KCP: variants seen among roughly 807,000 people sequenced by gnomAD.
KCP encodes kielin cysteine rich BMP regulator.
KCP carries 194 observed loss-of-function variants against 212.7 expected under a neutral mutation model. The observed-to-expected ratio is 0.91, with a 90% CI of 0.81 to 1.03. The LOEUF is 1.03. Among genes scored for constraint, KCP ranks in the 50% least tolerant of loss-of-function variants. The pLI is 0.00. For missense variants in KCP, 2,080 were observed against 2,162.5 expected, an observed-to-expected ratio of 0.96 and a Z score of 0.76; for synonymous variants, 833 against 865.3, an observed-to-expected ratio of 0.96 and a Z score of 0.65.
Position 128,880,092 on chromosome 7 carries a change from T to G in KCP, c.3760-7A>C. On this transcript the variant is annotated splice_polypyrimidine_tract_variant and splice_region_variant and intron_variant, in intron 34 of 39. Transcript: ENST00000610776. ...TCAGGGCAGGGGCCTTGTCCTGCAC[T>G]CAGCCCCAGACACTGTCAGACACAC... The G allele has an allele frequency of 1.3e-6, 2 of 1,529,048 alleles. No homozygotes were observed. Among genetic ancestry groups the G allele is most frequent in the East Asian group, 2.5e-5 (1 of 40,686 alleles). The allele number at this position is 1,529,048 out of a possible 1,614,324, so 94.7% of individuals were successfully genotyped here.
rs1228615521 is a variant in KCP, at chr7:128,877,425, G to T, written c.4618+59C>A. The T allele has an allele frequency of 3.9e-6, 6 of 1,537,960 alleles. No individual in the cohort carries two copies. The Admixed American group carries it at 9.9e-5, about 25-fold the overall frequency. Reference sequence around the variant, plus strand: ...CCTGGTCCTGCCCTGAGCCCTCCGGGCTGCCCTTCTTCTCTGTGCTGAGCC... The same window carrying T: ...CCTGGTCCTGCCCTGAGCCCTCCGGTCTGCCCTTCTTCTCTGTGCTGAGCC... On this transcript the variant is annotated intron_variant, in intron 39 of 39. Transcript: ENST00000610776.
At chr7:128,889,127 T>C (rs1793926765) in intron 21 of KCP, 88 bp from the exon 22 acceptor site, 8 of 916,206 alleles carry the variant, frequency 8.7e-6, no homozygotes, top group Non-Finnish European at 1.2e-5. Flanking sequence ...GGGCCTGTTA[T>C]GCATCCAAGA....
rs889344935 is a variant in KCP at position 128,880,023 on chromosome 7, G to A, written c.3822C>T (p.Ser1274=). ...AATGGGGGTCTCCGAAGGCCATGCA[G>A]GAAGCGGGCCGAGGCAGGCAGCGGG... ...CCPRCLPRPA[S]CMAFGDPHYR... is the part of the protein sequence containing the mutation. Residue 1274 remains serine (S), a synonymous_variant, in exon 35 of 40, where the codon TCC becomes TCT. Transcript: ENST00000610776. 1.3e-6 allele frequency: 2 copies of A among 1,549,662 alleles called. No homozygotes were observed. The highest frequency in any genetic ancestry group is 1.7e-6 in the Non-Finnish European group (2 of 1,146,876).
intron 9 of KCP, 64 bp from the exon 10 acceptor site, chr7:128,894,119 T>C (rs1427771263): frequency 2.6e-6 from 4 of 1,520,254 alleles, no homozygotes; most frequent in Middle Eastern, 2.1e-4. Flanking sequence ...CTGGCCTTCA[T>C]GGGCCCCCGA....
At chr7:128,896,871 C>A (rs1794557698) in intron 8 of KCP, among the ~76,000 whole-genome samples, 1 of 112,878 alleles carries the variant, frequency 8.9e-6, no homozygotes, top group Admixed American at 1.3e-4. Context: ...AGCCTGGCGA[C>A]AGAGCAAGAC....
In KCP at chr7:128,907,336, C is replaced by T. The variant is rs746805216; in HGVS notation, c.337G>A (p.Ala113Thr). The T allele has an allele frequency of 8.4e-5, 129 of 1,543,394 alleles. No individual in the cohort carries two copies. Among genetic ancestry groups the T allele is most frequent in the Middle Eastern group, 6.7e-4 (4 of 5,934 alleles). The change falls in exon 3 of 40, where the codon GCC becomes ACC. Residue 113 changes from alanine (A) to threonine (T), a missense_variant. Physicochemically the swap from Ala to Thr is moderately conservative, Grantham distance 58. Coordinates refer to ENST00000610776, the MANE Select transcript of KCP (RefSeq NM_001366122.1). ...TCCTGGCAGACGCAGGCTGTGCAGG[C>T]GTCAGGCTCCCAGCGTGCCCCCTCG... ...WPEGARWEPD[A>T]CTACVCQDGA... is the part of the protein sequence containing the mutation.
chr7:128,891,656 G>A lies in KCP; in HGVS notation c.1785C>T (p.Asn595=), dbSNP rs1333140727. 14 of 1,461,808 alleles carry A rather than the reference G, an allele frequency of 9.6e-6. No individual in the cohort carries two copies. The highest frequency in any genetic ancestry group is 1.9e-4 in the Middle Eastern group (1 of 5,380). 90.6% of individuals were successfully genotyped at this position (1,461,808 alleles called of 1,614,324 possible). The change falls in exon 17 of 40, where the codon AAC becomes AAT. Residue 595 remains asparagine (N), a synonymous_variant. Coordinates refer to ENST00000610776, the MANE Select transcript of KCP (RefSeq NM_001366122.1). ...ACCCGCCCACCTCACCGCTGCAGTC[G>A]TTCGGGCAGCAGGTCCCAGGCAGCG... The part of the protein sequence containing the change: ...AHPLPGTCCP[N]DCSGCAFGGK...
At position 128,880,438 on chromosome 7, in the gene KCP, G is replaced by T. The variant is rs987511155; in HGVS notation, c.3707C>A (p.Ala1236Glu). The T allele has an allele frequency of 1.9e-6, 3 of 1,546,188 alleles. No homozygotes were observed. In the African/African-American group the frequency reaches 4.1e-5, roughly 21 times the overall value. Reference sequence around the variant, plus strand: ...CTGGCTCTGGCAACGCACGGTGCCCGCCATGCAGGAGCAGCTGGTGCAGGT... The same window carrying T: ...CTGGCTCTGGCAACGCACGGTGCCCTCCATGCAGGAGCAGCTGGTGCAGGT... ...VDTCTSCSCM[A>E]GTVRCQSQRC... The change falls in exon 34 of 40, where the codon GCG (alanine) becomes GAG (glutamate). Residue 1236 changes from alanine to glutamate, a missense_variant. Ala to Glu is a moderately radical substitution (Grantham distance 107). Transcript: ENST00000610776.
At chr7:128,908,638 G>A in intron 1 of KCP, 70 bp from the exon 2 acceptor site, 1 of 1,486,654 alleles carries the variant, frequency 6.7e-7, no homozygotes, top group Non-Finnish European at 9.1e-7. Flanking sequence ...TCTGGGTTCT[G>A]TCTTCTGACC....
chr7:128,886,601 C>T lies in KCP; in HGVS notation c.2773-44G>A, dbSNP rs1047933806. ...CACTGGCTCGCTGCCTAGGCTGGGGCCCAGAGGTGCTATGGTCCAGCTGTC... is the reference window on the plus strand; with the variant it reads ...CACTGGCTCGCTGCCTAGGCTGGGGTCCAGAGGTGCTATGGTCCAGCTGTC... On this transcript the variant is annotated intron_variant, in intron 25 of 39. Coordinates refer to ENST00000610776, the MANE Select transcript of KCP (RefSeq NM_001366122.1). 18 of 1,550,532 alleles carry T rather than the reference C, an allele frequency of 1.2e-5. No individual in the cohort carries two copies. The Admixed American group carries it at 1.8e-4, about 15-fold the overall frequency.
chr7:128,904,401 C>T, intron 5 of KCP: 2 of 1,523,594 alleles, frequency 1.3e-6, no homozygotes, highest in Non-Finnish European at 1.8e-6. Context: ...GACACTGAGC[C>T]AGCCCTCCCT....
At chr7:128,893,161 C>A in intron 13 of KCP, 77 bp downstream of exon 13, 1 of 1,425,736 alleles carries the variant, frequency 7.0e-7, no homozygotes. Flanking sequence ...GTACCCCGTC[C>A]TGGGAAGGAG....
At chr7:128,895,386 C>A (rs576824664) in intron 8 of KCP, among the ~76,000 whole-genome samples, 1 of 152,306 alleles carries the variant, frequency 6.6e-6, no homozygotes, top group African/African-American at 2.4e-5. Flanking sequence ...ACTGCCACTA[C>A]CCCATGGCCT....
In KCP at chr7:128,893,487, T is replaced by A. The variant is rs780106929; in HGVS notation, c.1100-11A>T. On this transcript the variant is annotated splice_polypyrimidine_tract_variant and intron_variant, in intron 11 of 39. Coordinates refer to ENST00000610776, the MANE Select transcript of KCP (RefSeq NM_001366122.1). Reference sequence around the variant, plus strand: ...CCTGGTACTCACAGCCTGGATGGGATGACAGGGGCGTGGGGGTATAGGGCT... The same window carrying A: ...CCTGGTACTCACAGCCTGGATGGGAAGACAGGGGCGTGGGGGTATAGGGCT... 8 of 1,540,292 alleles carry A rather than the reference T, an allele frequency of 5.2e-6. No homozygotes were observed. In the South Asian group the frequency reaches 9.5e-5, roughly 18 times the overall value.
At chr7:128,904,024 A>T in intron 6 of KCP, 32 bp downstream of exon 6, 1 of 1,532,514 alleles carries the variant, frequency 6.5e-7, no homozygotes, top group Non-Finnish European at 8.8e-7. Flanking sequence ...AGGGAGGTGC[A>T]GGGCCTGGGC....
chr7:128,890,409 G>A lies in KCP; in HGVS notation c.2269C>T (p.Pro757Ser), dbSNP rs764880227. ...LCWEGSVSCE[P>S]KACAPALCPF... ...CACAGTGCAGGGGCACATGCCTTGG[G>A]CTCGCAGCTCACGCTGCCCTCCCAG... is the stretch of plus-strand genomic sequence containing the variant. Residue 757 changes from proline (P) to serine (S), a missense_variant, in exon 21 of 40, where the codon CCC (proline) becomes TCC (serine). Transcript: ENST00000610776. 1.3e-6 allele frequency: 2 copies of A among 1,551,224 alleles called. No homozygotes were observed. The highest frequency in any genetic ancestry group is 1.7e-6 in the Non-Finnish European group (2 of 1,146,996).
At chr7:128,896,918 C>T (rs1794564992) in intron 8 of KCP, among the ~76,000 whole-genome samples, 1 of 148,454 alleles carries the variant, frequency 6.7e-6, no homozygotes, top group African/African-American at 2.5e-5. Context: ...AAAAAAAATT[C>T]CCTTCTCTAC....
chr7:128,886,219 C>T (rs937884823), intron 26 of KCP, among the ~76,000 whole-genome samples: 7 of 152,272 alleles, frequency 4.6e-5, no homozygotes, highest in Non-Finnish European at 7.4e-5. Flanking sequence ...AAATGTGAGC[C>T]GCTGCACCCA....
rs925906916 is a variant in KCP, at chr7:128,892,603, C to G, written c.1532G>C (p.Gly511Ala). Residue 511 changes from glycine to alanine, a missense_variant, in exon 16 of 40, where the codon GGA becomes GCA. Coordinates refer to ENST00000610776, the MANE Select transcript of KCP (RefSeq NM_001366122.1). ...SPCHACHCQD[G>A]TVTCSLVDCP... ...GTCAACCAAGGAGCATGTCACAGTT[C>G]CATCCTGCGAGAGAGCAGGGGAGAG... The G allele has an allele frequency of 1.6e-5, 25 of 1,550,898 alleles. No individual in the cohort carries two copies. The African/African-American group carries it at 3.0e-4, about 19-fold the overall frequency.
Sources: gnomAD v4.1 joint callset for allele counts (sites outside exome capture counted in the v4.1 genomes callset) on GRCh38, gnomAD v4.1.1 for gene constraint, MANE v1.5 for transcripts, NCBI Gene and HGNC (gene_info 2026-07-23, HGNC 2026-07-21) for gene names.